Variants in KMT2C observed in about 807,000 individuals in gnomAD.
The protein encoded by KMT2C is lysine methyltransferase 2C.
In KMT2C, 88 loss-of-function variants were observed where a neutral mutation model predicts 507.9. That is an observed-to-expected ratio of 0.17 (90% CI 0.15 to 0.21). KMT2C has a LOEUF of 0.21. Among genes scored for constraint, KMT2C ranks in the 10% least tolerant of loss-of-function variants. The probability of loss-of-function intolerance (pLI) is 1.00; values close to 1 mark genes in which losing one functional copy is unlikely to be tolerated. For missense variants in KMT2C, 4,954 were observed against 5,957.8 expected, an observed-to-expected ratio of 0.83 and a Z score of 5.55; for synonymous variants, 2,049 against 2,080.8, an observed-to-expected ratio of 0.98 and a Z score of 0.42.
intron 4 of KMT2C, among the ~76,000 whole-genome samples, chr7:152,314,328 A>C (rs1296256339): frequency 6.6e-6 from 1 of 152,194 alleles, no homozygotes; most frequent in Admixed American, 6.6e-5. Context: ...CTCAAGAGGC[A>C]GTGTTAGCTT....
intron 6 of KMT2C, among the ~76,000 whole-genome samples, chr7:152,296,983 G>GAAAGAAAGAAAGAA (rs1293673914): frequency 9.2e-5 from 9 of 98,312 alleles, no homozygotes; most frequent in Non-Finnish European, 2.0e-4. Flanking sequence ...CCACTAAAAA[G>GAAAGAAAGAAAGAA]AAAGAAAGAA....
At chr7:152,363,650 T>C (rs970131254) in intron 1 of KMT2C, among the ~76,000 whole-genome samples, 1 of 152,044 alleles carries the variant, frequency 6.6e-6, no homozygotes, top group Non-Finnish European at 1.5e-5. Context: ...CACACAGAGA[T>C]AGGAACCCAA....
At chr7:152,164,316 G>A in intron 42 of KMT2C, among the ~76,000 whole-genome samples, 1 of 147,870 alleles carries the variant, frequency 6.8e-6, no homozygotes, top group Non-Finnish European at 1.5e-5. Flanking sequence ...TTGAGACGGA[G>A]TCTCGCTCTG....
chr7:152,304,943 G>C (rs1018704531), intron 6 of KMT2C, among the ~76,000 whole-genome samples: 20 of 152,090 alleles, frequency 1.3e-4, no homozygotes, highest in African/African-American at 3.9e-4. Context: ...ATTTTCCTTG[G>C]CTCCTCCTTC....
At chr7:152,276,736 A>G (rs2096087510) in intron 6 of KMT2C, among the ~76,000 whole-genome samples, 2 of 151,994 alleles carry the variant, frequency 1.3e-5, no homozygotes, top group African/African-American at 2.4e-5. Flanking sequence ...CTGGGAAACA[A>G]AAGTGAGAAC....
rs149510534 is a variant in KMT2C, at chr7:152,162,585, G to T, written c.10992C>A (p.Val3664=). ...CTGCCATATTGGGAGTGGATGGGCC[G>T]ACTGGTTCCACCGACTCTTGGTCGG... is the stretch of plus-strand genomic sequence containing the variant. The part of the protein sequence containing the change: ...QQADQESVEP[V]GPSTPNMAAG... The change falls in exon 43 of 59, where the codon GTC becomes GTA. Residue 3664 remains valine, a synonymous_variant. Transcript: ENST00000262189. 3.3e-4 allele frequency: 528 copies of T among 1,614,184 alleles called. 3 individuals are homozygous for T. The highest frequency in any genetic ancestry group is 1.2e-3 in the Middle Eastern group (7 of 6,062).
Position 152,179,818 on chromosome 7 carries a change from A to G in KMT2C, c.7442+16T>C. ...CTAATAGCAATTTAAATTCGGCAGGAAATTAAAAGCATTACCTAAATCCAT... is the reference window on the plus strand; with the variant it reads ...CTAATAGCAATTTAAATTCGGCAGGGAATTAAAAGCATTACCTAAATCCAT... On this transcript the variant is annotated intron_variant, in intron 37 of 58. Transcript: ENST00000262189. The G allele has an allele frequency of 6.2e-7, 1 of 1,609,796 alleles. No individual in the cohort carries two copies. The highest frequency in any genetic ancestry group is 8.5e-7 in the Non-Finnish European group (1 of 1,177,450).
At chr7:152,339,370 C>T (rs927189615) in intron 2 of KMT2C, among the ~76,000 whole-genome samples, 9 of 152,136 alleles carry the variant, frequency 5.9e-5, no homozygotes, top group South Asian at 4.1e-4. Flanking sequence ...ACAGAAATCA[C>T]GGATATTTTC....
chr7:152,264,359 T>C (rs2095827855), intron 8 of KMT2C, among the ~76,000 whole-genome samples: 1 of 152,130 alleles, frequency 6.6e-6, no homozygotes, highest in South Asian at 2.1e-4. Context: ...TCATGCTCAT[T>C]AGAATCATGG....
intron 16 of KMT2C, among the ~76,000 whole-genome samples, chr7:152,233,043 T>C (rs891253268): frequency 6.6e-6 from 1 of 152,132 alleles, no homozygotes; most frequent in Admixed American, 6.5e-5. Flanking sequence ...ATTCCCAGTA[T>C]AAACCAGAAA....
chr7:152,224,477 G>A lies in KMT2C; in HGVS notation c.3116C>T (p.Pro1039Leu). ...TCCTTTGGGAACTGTCTGCAATGGA[G>A]GGTCTAGGCAGTAGGTGTGATAACT... ...DISYHTYCLD[P>L]PLQTVPKGGW... is the part of the protein sequence containing the mutation. The change falls in exon 19 of 59, where the codon CCT becomes CTT. Residue 1039 changes from proline (P) to leucine (L), a missense_variant. Coordinates refer to ENST00000262189, the MANE Select transcript of KMT2C (RefSeq NM_170606.3). The A allele has an allele frequency of 1.2e-6, 2 of 1,611,952 alleles. No individual in the cohort carries two copies. Among genetic ancestry groups the A allele is most frequent in the Non-Finnish European group, 1.7e-6 (2 of 1,179,818 alleles).
rs543513406 is a variant in KMT2C at position 152,162,061 on chromosome 7, G to T, written c.11460+56C>A. The T allele has an allele frequency of 4.7e-6, 7 of 1,482,104 alleles. No homozygotes were observed. The African/African-American group carries it at 8.4e-5, about 18-fold the overall frequency. 91.8% of individuals were successfully genotyped at this position (1,482,104 alleles called of 1,614,324 possible). ...ATACAGTTGCTGGTACTAATCTGCT[G>T]TAAGTATAATTTAAAACAAAAGAAA... is the stretch of plus-strand genomic sequence containing the variant. On this transcript the variant is annotated intron_variant, in intron 43 of 58. Transcript: ENST00000262189.
intron 9 of KMT2C, among the ~76,000 whole-genome samples, chr7:152,258,560 T>C (rs1381252340): frequency 3.3e-5 from 5 of 152,092 alleles, no homozygotes; most frequent in Non-Finnish European, 5.9e-5. Context: ...AGTCTATCTC[T>C]GTCACCCAGG....
intron 23 of KMT2C, among the ~76,000 whole-genome samples, chr7:152,212,665 A>C (rs2094481085): frequency 6.6e-6 from 1 of 152,266 alleles, no homozygotes; most frequent in Non-Finnish European, 1.5e-5. Flanking sequence ...AACATCAAAA[A>C]GAATAAAACA....
At chr7:152,277,995 A>G (rs1338671161) in intron 6 of KMT2C, among the ~76,000 whole-genome samples, 1 of 152,216 alleles carries the variant, frequency 6.6e-6, no homozygotes, top group Non-Finnish European at 1.5e-5. Context: ...GTACACATAT[A>G]TAATATGAAA....
At chr7:152,353,998 AAC>A (rs1421742926) in intron 2 of KMT2C, among the ~76,000 whole-genome samples, 7 of 152,182 alleles carry the variant, frequency 4.6e-5, no homozygotes, top group African/African-American at 1.7e-4. Context: ...TAGTGGTTAT[AAC>A]AGTTATTCTT....
chr7:152,279,173 A>G (rs1423277787), intron 6 of KMT2C, among the ~76,000 whole-genome samples: 1 of 152,226 alleles, frequency 6.6e-6, no homozygotes, highest in Admixed American at 6.5e-5. Context: ...ATATAAGGAT[A>G]AAGTCCCAAA....
chr7:152,262,265 G>A (rs955550963), intron 9 of KMT2C, among the ~76,000 whole-genome samples: 16 of 151,986 alleles, frequency 1.1e-4, no homozygotes, highest in African/African-American at 3.6e-4. Context: ...TTCCACTCCC[G>A]CACACGGGCC....
At chr7:152,172,295 T>C (rs1337537509) in intron 39 of KMT2C, among the ~76,000 whole-genome samples, 1 of 152,188 alleles carries the variant, frequency 6.6e-6, no homozygotes, top group African/African-American at 2.4e-5. Context: ...GTCAGTAGAA[T>C]ACTAAGCCAT....
Sources: gnomAD v4.1 joint callset for allele counts (sites outside exome capture counted in the v4.1 genomes callset) on GRCh38, gnomAD v4.1.1 for gene constraint, MANE v1.5 for transcripts, NCBI Gene and HGNC (gene_info 2026-07-23, HGNC 2026-07-21) for gene names.